Variants in ZDHHC20 observed in about 807,000 individuals in gnomAD.
ZDHHC20 encodes the protein zDHHC palmitoyltransferase 20.
In ZDHHC20, 43 loss-of-function variants were observed where a neutral mutation model predicts 57.8. The ratio of observed to expected loss-of-function variants is 0.74; its 90% CI spans 0.58 to 0.96. The LOEUF is 0.96. Ranked by LOEUF, ZDHHC20 falls within the 40% of genes least tolerant of loss-of-function variation. The probability of loss-of-function intolerance (pLI) is 0.00; values close to 1 mark genes in which losing one functional copy is unlikely to be tolerated. For missense variants in ZDHHC20, 391 were observed against 441.1 expected (o/e 0.89, Z 1.02); for synonymous variants, 157 against 153.0 (o/e 1.03, Z -0.19).
chr13:21,385,458 T>C (rs560348607), intron 9 of ZDHHC20, among the ~76,000 whole-genome samples: 11 of 152,206 alleles, frequency 7.2e-5, no homozygotes, highest in African/African-American at 2.4e-4. Flanking sequence ...TTTAAAAATC[T>C]TAAGTGAAAG....
At chr13:21,413,869 C>G (rs1879565267) in intron 3 of ZDHHC20, 97 bp from the exon 4 acceptor site, 1 of 1,048,710 alleles carries the variant, frequency 9.5e-7, no homozygotes, top group Non-Finnish European at 1.4e-6. Context: ...AAACCAAAAA[C>G]TATTTTATGA....
chr13:21,428,009 T>A (rs917469465), intron 1 of ZDHHC20, among the ~76,000 whole-genome samples: 2 of 152,126 alleles, frequency 1.3e-5, no homozygotes, highest in Non-Finnish European at 2.9e-5. Context: ...CAGTTCATAG[T>A]TCCTCCTAGG....
intron 8 of ZDHHC20, among the ~76,000 whole-genome samples, chr13:21,389,551 T>C (rs1159402551): frequency 6.6e-6 from 1 of 152,226 alleles, no homozygotes; most frequent in Non-Finnish European, 1.5e-5. Flanking sequence ...AAATGCTGCA[T>C]TTCTTACTGT....
Position 21,376,659 on chromosome 13 carries a change from CA to C in ZDHHC20, c.*41-5del, listed in dbSNP as rs1168059792. On this transcript the variant is annotated splice_polypyrimidine_tract_variant and splice_region_variant and intron_variant, in intron 12 of 12. Coordinates refer to ENST00000400590, the MANE Select transcript of ZDHHC20 (RefSeq NM_001330059.2). The stretch of plus-strand genomic sequence containing the variant: ...AGTCTATAATGTTTTCATACACCTA[CA>C]AAAAAAGAAACAAATTATTGGTTAA... 15 of 1,410,466 alleles carry C rather than the reference CA, an allele frequency of 1.1e-5. No individual in the cohort carries two copies. The highest frequency in any genetic ancestry group is 7.9e-5 in the Admixed American group (3 of 37,820). 87.4% of individuals were successfully genotyped at this position (1,410,466 alleles called of 1,614,324 possible). A position where few individuals can be genotyped will look rare whatever the true frequency, so the allele number is the denominator to read the frequency against.
intron 1 of ZDHHC20, among the ~76,000 whole-genome samples, chr13:21,450,932 T>C (rs2138059625): frequency 6.6e-6 from 1 of 152,252 alleles, no homozygotes; most frequent in East Asian, 1.9e-4. Flanking sequence ...TTTTTTATTT[T>C]ATTTTTGTAA....
At chr13:21,426,751 G>A (rs539737258) in intron 1 of ZDHHC20, among the ~76,000 whole-genome samples, 1 of 152,110 alleles carries the variant, frequency 6.6e-6, no homozygotes, top group South Asian at 2.1e-4. Context: ...GATTACAGGT[G>A]AGTGCCACCA....
At chr13:21,417,844 G>A (rs1032476236) in intron 3 of ZDHHC20, among the ~76,000 whole-genome samples, 4 of 152,274 alleles carry the variant, frequency 2.6e-5, no homozygotes, top group Admixed American at 1.3e-4. Flanking sequence ...CTGTGAGTTT[G>A]GTGTTATATT....
chr13:21,427,018 T>C (rs1359261062), intron 1 of ZDHHC20, among the ~76,000 whole-genome samples: 1 of 152,190 alleles, frequency 6.6e-6, no homozygotes, highest in Non-Finnish European at 1.5e-5. Flanking sequence ...ACCTTGTCTA[T>C]TCACCCTTCA....
At chr13:21,435,937 T>G (rs544693933) in intron 1 of ZDHHC20, among the ~76,000 whole-genome samples, 1 of 152,304 alleles carries the variant, frequency 6.6e-6, no homozygotes, top group South Asian at 2.1e-4. Flanking sequence ...GGGAGCAATC[T>G]CACTGCAATA....
intron 1 of ZDHHC20, among the ~76,000 whole-genome samples, chr13:21,439,974 CA>C (rs1291436754): frequency 7.1e-6 from 1 of 141,438 alleles, no homozygotes. Context: ...GGCCGAGGCA[CA>C]AGAATTGCTC....
chr13:21,413,919 T>C (rs1378950935), intron 3 of ZDHHC20, 147 bp from the exon 4 acceptor site: 3 of 598,856 alleles, frequency 5.0e-6, no homozygotes, highest in African/African-American at 3.9e-5. Flanking sequence ...ATAAATCAAG[T>C]ACATTTTAAC....
rs116966757 is a variant in ZDHHC20 at position 21,375,587 on chromosome 13, C to T, written c.*1109G>A. On this transcript the variant is annotated 3_prime_UTR_variant, in exon 13 of 13. Transcript: ENST00000400590. ...AGAGACTGGGAATGTAAAATGACCA[C>T]TCAGGTTAGAATTTCCAACTGACAG... 971 of 153,924 alleles carry T rather than the reference C, an allele frequency of 6.3e-3. 4 individuals carry two copies. Among genetic ancestry groups the T allele is most frequent in the Non-Finnish European group, 9.8e-3 (678 of 69,042 alleles). 9.5% of individuals were successfully genotyped at this position (153,924 alleles called of 1,614,324 possible).
Position 21,387,552 on chromosome 13 carries a change from G to A in ZDHHC20, c.810C>T (p.Val270=), listed in dbSNP as rs1228710675. ...SLGCSKNWRQ[V]FGDEKKYWLL... ...GCCAATATTTCTTTTCATCACCAAA[G>A]ACTTGTCTCCAATTTTTACTGCATC... The change falls in exon 9 of 13, where the codon GTC becomes GTT. Residue 270 remains valine, a synonymous_variant. Coordinates refer to ENST00000400590, the MANE Select transcript of ZDHHC20 (RefSeq NM_001330059.2). 1.3e-6 allele frequency: 2 copies of A among 1,535,984 alleles called. No homozygotes were observed. Among genetic ancestry groups the A allele is most frequent in the African/African-American group, 1.4e-5 (1 of 72,346 alleles).
chr13:21,389,874 G>A (rs1875344987), intron 8 of ZDHHC20, among the ~76,000 whole-genome samples: 1 of 152,154 alleles, frequency 6.6e-6, no homozygotes, highest in Non-Finnish European at 1.5e-5. Context: ...TATTGGTTGG[G>A]GAGAACTTAA....
chr13:21,451,228 C>T (rs1224607236), intron 1 of ZDHHC20, among the ~76,000 whole-genome samples: 3 of 152,164 alleles, frequency 2.0e-5, no homozygotes, highest in East Asian at 1.9e-4. Flanking sequence ...AGCCATTTCA[C>T]GTAGCCTTTA....
chr13:21,415,724 T>C (rs1189057928), intron 3 of ZDHHC20, among the ~76,000 whole-genome samples: 1 of 152,218 alleles, frequency 6.6e-6, no homozygotes, highest in Non-Finnish European at 1.5e-5. Context: ...ATATTCATAG[T>C]AGAGTATAAA....
chr13:21,424,107 G>C (rs1880976948), intron 2 of ZDHHC20, among the ~76,000 whole-genome samples: 1 of 152,078 alleles, frequency 6.6e-6, no homozygotes, highest in African/African-American at 2.4e-5. Flanking sequence ...ACGAGACCTA[G>C]AATATGGTAA....
Position 21,426,854 on chromosome 13 carries a change from C to T in ZDHHC20, c.119-1176G>A, listed in dbSNP as rs114772705. On this transcript the variant is annotated intron_variant, in intron 1 of 12. Transcript: ENST00000400590. ...ACTCCTGACTTCAAGTGAATCCGCC[C>T]ACCTCAGCCTCCCAAAGTGTTGGAA... Among the ~76,000 whole-genome samples, 1,229 of 152,282 alleles carry T rather than the reference C, an allele frequency of 8.1e-3. 18 individuals carry two copies. The highest frequency in any genetic ancestry group is 0.028 in the African/African-American group (1,165 of 41,548).
intron 4 of ZDHHC20, 120 bp from the exon 5 acceptor site, chr13:21,402,986 C>A (rs1877921562): frequency 3.0e-6 from 2 of 657,982 alleles, no homozygotes; most frequent in African/African-American, 1.8e-5. Flanking sequence ...AATTTTAAAA[C>A]AATACCAACA....
Sources: gnomAD v4.1 joint callset for allele counts (sites outside exome capture counted in the v4.1 genomes callset) on GRCh38, gnomAD v4.1.1 for gene constraint, MANE v1.5 for transcripts, NCBI Gene and HGNC (gene_info 2026-07-23, HGNC 2026-07-21) for gene names.